Variants in PMFBP1 observed in about 807,000 individuals in gnomAD.
PMFBP1 encodes the protein polyamine-modulated factor 1-binding protein 1.
Under a neutral mutation model 137.8 loss-of-function variants are expected in PMFBP1, and 131 were observed. The observed-to-expected ratio is 0.95, with a 90% confidence interval of 0.82 to 1.10. PMFBP1 has a LOEUF of 1.10. Ranked by LOEUF, PMFBP1 falls within the 50% of genes least tolerant of loss-of-function variation. The pLI is 0.00. For missense variants in PMFBP1, 1,199 were observed against 1,175.4 expected (o/e 1.02, Z -0.29); for synonymous variants, 490 against 450.4 (o/e 1.09, Z -1.11).
At chr16:72,159,563 G>A (rs2043031014) in intron 3 of PMFBP1, among the ~76,000 whole-genome samples, 1 of 152,180 alleles carries the variant, frequency 6.6e-6, no homozygotes, top group Admixed American at 6.5e-5. Flanking sequence ...CTTTGGATAG[G>A]AATTTTAAAC....
chr16:72,119,473 G>A, intron 20 of PMFBP1, 119 bp from the exon 21 acceptor site: 1 of 1,583,206 alleles, frequency 6.3e-7, no homozygotes, highest in Non-Finnish European at 8.6e-7. Flanking sequence ...TGCCTCTGGG[G>A]TAACATGGAG....
the PMFBP1 span, among the ~76,000 whole-genome samples, chr16:72,245,444 C>T: frequency 6.6e-6 from 1 of 152,162 alleles, no homozygotes; most frequent in Admixed American, 6.5e-5. Flanking sequence ...GGCTACAGAG[C>T]CCATGCTCTT....
chr16:72,212,681 A>G, the PMFBP1 span, among the ~76,000 whole-genome samples: 495 of 152,330 alleles, frequency 3.2e-3, 2 homozygotes, highest in Middle Eastern at 0.01. Context: ...TACAAGAACG[A>G]TTACCAAAAT....
At chr16:72,199,242 C>T in the PMFBP1 span, among the ~76,000 whole-genome samples, 1 of 152,082 alleles carries the variant, frequency 6.6e-6, no homozygotes, top group Non-Finnish European at 1.5e-5. Context: ...CCTAGCCTTT[C>T]AGTGACCTCC....
chr16:72,242,146 C>T, the PMFBP1 span, among the ~76,000 whole-genome samples: 5 of 152,126 alleles, frequency 3.3e-5, no homozygotes, highest in African/African-American at 1.2e-4. Context: ...TGAAAATTCA[C>T]CTTGATTATC....
At chr16:72,236,497 C>T in the PMFBP1 span, among the ~76,000 whole-genome samples, 1 of 152,092 alleles carries the variant, frequency 6.6e-6, no homozygotes, top group African/African-American at 2.4e-5. Flanking sequence ...TTGAGAAATG[C>T]CTTTAGTAAT....
At chr16:72,214,231 A>G in the PMFBP1 span, among the ~76,000 whole-genome samples, 77,159 of 151,598 alleles carry the variant, frequency 0.51, 20,884 homozygotes, top group African/African-American at 0.69. Context: ...GTCTTGCTCC[A>G]TCGCCCAGGC....
the PMFBP1 span, among the ~76,000 whole-genome samples, chr16:72,215,825 T>C: frequency 6.6e-6 from 1 of 152,196 alleles, no homozygotes; most frequent in African/African-American, 2.4e-5. Context: ...AAAATCCTAA[T>C]AGGGAAGATG....
At chr16:72,218,938 AG>A in the PMFBP1 span, among the ~76,000 whole-genome samples, 4 of 152,132 alleles carry the variant, frequency 2.6e-5, no homozygotes, top group Non-Finnish European at 4.4e-5. Context: ...GTAAAACATG[AG>A]GGGACAAATG....
chr16:72,189,961 G>A, the PMFBP1 span, among the ~76,000 whole-genome samples: 1 of 152,134 alleles, frequency 6.6e-6, no homozygotes, highest in African/African-American at 2.4e-5. Context: ...GACTGGTTGA[G>A]TCATGAGTCA....
the PMFBP1 span, among the ~76,000 whole-genome samples, chr16:72,200,693 G>C: frequency 7.2e-5 from 11 of 152,188 alleles, no homozygotes; most frequent in African/African-American, 2.7e-4. Context: ...CTATAGTCAA[G>C]GAATAACATT....
At chr16:72,213,381 C>G in the PMFBP1 span, among the ~76,000 whole-genome samples, 1 of 152,180 alleles carries the variant, frequency 6.6e-6, no homozygotes, top group African/African-American at 2.4e-5. Context: ...TTTAAAAAGA[C>G]TCTGGCTTCC....
chr16:72,217,375 T>C, the PMFBP1 span, among the ~76,000 whole-genome samples: 2 of 152,224 alleles, frequency 1.3e-5, no homozygotes, highest in African/African-American at 4.8e-5. Flanking sequence ...ATGCTTTTGT[T>C]GTTTTTATGT....
intron 2 of PMFBP1, among the ~76,000 whole-genome samples, 160 bp downstream of exon 2, chr16:72,171,037 C>A (rs943689671): frequency 6.6e-6 from 1 of 152,124 alleles, no homozygotes; most frequent in African/African-American, 2.4e-5. Context: ...CCAGACCCAC[C>A]CAGCTCGAGT....
chr16:72,179,823 A>G (rs1349583532), upstream of PMFBP1, among the ~76,000 whole-genome samples: 7 of 152,224 alleles, frequency 4.6e-5, no homozygotes. Context: ...CTTAAGGATC[A>G]AAGGTGCCTG....
At chr16:72,190,465 A>G in the PMFBP1 span, among the ~76,000 whole-genome samples, 1 of 152,212 alleles carries the variant, frequency 6.6e-6, no homozygotes, top group Non-Finnish European at 1.5e-5. Flanking sequence ...AGAACAGAGG[A>G]CTGCAGTTAC....
chr16:72,132,775 C>T lies in PMFBP1; in HGVS notation c.1420G>A (p.Glu474Lys). 6.2e-7 allele frequency: 1 copy of T among 1,614,214 alleles called. No individual in the cohort carries two copies. The highest frequency in any genetic ancestry group is 8.5e-7 in the Non-Finnish European group (1 of 1,180,030). ...GCCAGCCTCTCCTGCTGCTTGGCCTCTTCGAGACTGTTCTTCAGCTTCTGG... is the reference window on the plus strand; with the variant it reads ...GCCAGCCTCTCCTGCTGCTTGGCCTTTTCGAGACTGTTCTTCAGCTTCTGG... The part of the protein sequence containing the change: ...EVQKLKNSLE[E>K]AKQQERLAAQ... The change falls in exon 10 of 21, where the codon GAG (glutamate) becomes AAG (lysine). Residue 474 changes from glutamate to lysine, a missense_variant. By Grantham distance (56) the Glu-to-Lys change is moderately conservative (BLOSUM62 1). Transcript: ENST00000237353.
At chr16:72,123,917 A>G (rs2042414203) in intron 17 of PMFBP1, among the ~76,000 whole-genome samples, 1 of 152,204 alleles carries the variant, frequency 6.6e-6, no homozygotes, top group Non-Finnish European at 1.5e-5. Flanking sequence ...TTCAGTGTGA[A>G]GGCATTAAAG....
At chr16:72,248,453 G>T in the PMFBP1 span, among the ~76,000 whole-genome samples, 1 of 152,106 alleles carries the variant, frequency 6.6e-6, no homozygotes, top group Non-Finnish European at 1.5e-5. Context: ...GAATGTGACT[G>T]AATCAGTGAA....
Sources: allele counts gnomAD v4.1 joint callset (sites outside exome capture counted in the v4.1 genomes callset), GRCh38; gene constraint gnomAD v4.1.1; transcripts MANE v1.5; gene names NCBI Gene and HGNC (gene_info 2026-07-23, HGNC 2026-07-21).